The following OSBPL9 variants were observed in gnomAD, a reference collection of about 807,000 sequenced individuals.
The protein encoded by OSBPL9 is oxysterol binding protein like 9, also known as oxysterol-binding protein-related protein 9.
A neutral mutation model predicts 106.6 loss-of-function variants in OSBPL9; 40 were observed. The observed-to-expected ratio is 0.38, with a 90% CI of 0.29 to 0.49. OSBPL9 has a LOEUF of 0.49. Ranked by LOEUF, OSBPL9 falls within the 20% of genes least tolerant of loss-of-function variation. OSBPL9 has a pLI of 0.97. For synonymous variants in OSBPL9, 269 were observed against 295.4 expected, an observed-to-expected ratio of 0.91 and a Z score of 0.92; for missense variants, 609 against 887.2, an observed-to-expected ratio of 0.69 and a Z score of 3.98.
At chr1:51,750,250 G>T in intron 8 of OSBPL9, 55 bp downstream of exon 8, 1 of 1,335,360 alleles carries the variant, frequency 7.5e-7, no homozygotes. Flanking sequence ...AAATTATAAT[G>T]GCGTTTTTCT....
intron 1 of OSBPL9, among the ~76,000 whole-genome samples, chr1:51,620,976 C>T (rs906858102): frequency 6.6e-6 from 1 of 152,276 alleles, no homozygotes; most frequent in East Asian, 1.9e-4. Flanking sequence ...CATTCACTTG[C>T]CTCGGCCTCC....
At chr1:51,660,633 G>C (rs1449991693) in intron 2 of OSBPL9, among the ~76,000 whole-genome samples, 1 of 152,202 alleles carries the variant, frequency 6.6e-6, no homozygotes, top group Non-Finnish European at 1.5e-5. Flanking sequence ...ATCTAGGCCA[G>C]TGCCTAGAAA....
intron 4 of OSBPL9, among the ~76,000 whole-genome samples, chr1:51,718,266 G>A (rs1254450008): frequency 3.3e-5 from 5 of 152,114 alleles, no homozygotes; most frequent in African/African-American, 1.2e-4. Context: ...ACAAAAAAAT[G>A]AGAACGAATA....
rs1398592245 is a variant in OSBPL9, at chr1:51,612,062, A to C, written c.-352-2243A>C. 3.3e-5 allele frequency among the ~76,000 whole-genome samples: 5 copies of C among 152,368 alleles called. No individual in the cohort carries two copies. In the East Asian group the frequency reaches 9.6e-4, roughly 29 times the overall value. On this transcript the variant is annotated intron_variant, in intron 2 of 25. Coordinates refer to the OSBPL9 transcript ENST00000371714. ...TACAAAAGTTAGAAACCTTGGTATT[A>C]TCTCTGATTCTCCTTACTCCCTCCT...
chr1:51,652,030 G>A lies in OSBPL9; in HGVS notation c.151G>A (p.Val51Ile), dbSNP rs41292539. The stretch of plus-strand genomic sequence containing the variant: ...GATGAGAGGCTCTCGCAGAGGATGT[G>A]TTAGACTCAGAGTGAGTATTTATTC... ...KMMRGSRRGC[V>I]RLRGAVIGID... Residue 51 changes from valine to isoleucine, a missense_variant, in exon 2 of 24, where the codon GTT becomes ATT. Coordinates refer to ENST00000428468, the MANE Select transcript of OSBPL9 (RefSeq NM_024586.6). The A allele has an allele frequency of 6.8e-6, 11 of 1,607,042 alleles. No homozygotes were observed. Among genetic ancestry groups the A allele is most frequent in the Non-Finnish European group, 8.5e-6 (10 of 1,176,446 alleles).
chr1:51,761,876 A>G lies in OSBPL9; in HGVS notation c.683A>G (p.Gln228Arg). The G allele has an allele frequency of 1.2e-6, 2 of 1,612,220 alleles. No homozygotes were observed. Among genetic ancestry groups the G allele is most frequent in the Non-Finnish European group, 8.5e-7 (1 of 1,178,300 alleles). Residue 228 changes from glutamine (Q) to arginine (R), a missense_variant, in exon 11 of 24, where the codon CAG becomes CGG. Physicochemically the swap from Gln to Arg is conservative, Grantham distance 43. Around this residue, in one of 5 missense-constraint regions of OSBPL9, gnomAD observed 356 missense variants for 505.8 expected, o/e 0.70. Coordinates refer to ENST00000428468, the MANE Select transcript of OSBPL9 (RefSeq NM_024586.6). ...SQTVLPPEPV[Q>R]LCKSEQRPSS... The stretch of plus-strand genomic sequence containing the variant: ...CGTTCAAATCTCCTAGAACCTGTTC[A>G]GTTGTGTAAGTCAGAGCAGCGTCCA...
At chr1:51,586,109 G>T (rs1645246086) in intron 1 of OSBPL9, among the ~76,000 whole-genome samples, 1 of 151,572 alleles carries the variant, frequency 6.6e-6, no homozygotes, top group East Asian at 1.9e-4. Flanking sequence ...AGGAGGCAGA[G>T]GTTGCAGTGA....
intron 1 of OSBPL9, among the ~76,000 whole-genome samples, chr1:51,642,723 T>C (rs1645883270): frequency 6.6e-6 from 1 of 152,200 alleles, no homozygotes; most frequent in Admixed American, 6.5e-5. Flanking sequence ...TCTAGGGAGA[T>C]AGCTGTACCC....
intron 4 of OSBPL9, among the ~76,000 whole-genome samples, chr1:51,725,346 G>A (rs1036458151): frequency 5.9e-5 from 9 of 151,816 alleles, no homozygotes; most frequent in African/African-American, 2.2e-4. Context: ...TTTCTACTTT[G>A]TCCATTAGAG....
chr1:51,573,732 T>C (rs1354832449), upstream of OSBPL9, among the ~76,000 whole-genome samples: 1 of 150,500 alleles, frequency 6.6e-6, no homozygotes, highest in Non-Finnish European at 1.5e-5. Context: ...GAGAATCGCT[T>C]GAACCCGGGA....
chr1:51,541,818 C>T, the OSBPL9 span, among the ~76,000 whole-genome samples: 1 of 152,098 alleles, frequency 6.6e-6, no homozygotes, highest in Non-Finnish European at 1.5e-5. Context: ...AGGTTATGGT[C>T]GAGTCCAGTT....
At chr1:51,540,760 A>C in the OSBPL9 span, among the ~76,000 whole-genome samples, 1 of 151,886 alleles carries the variant, frequency 6.6e-6, no homozygotes, top group Admixed American at 6.6e-5. Flanking sequence ...GGAATTCCAG[A>C]CCAGCCTGGC....
At chr1:51,725,834 A>G (rs747810880) in intron 4 of OSBPL9, among the ~76,000 whole-genome samples, 2 of 152,066 alleles carry the variant, frequency 1.3e-5, no homozygotes, top group Non-Finnish European at 2.9e-5. Context: ...CCATATTACT[A>G]CATGTCCCTG....
At chr1:51,689,289 A>G (rs765076577) in intron 3 of OSBPL9, among the ~76,000 whole-genome samples, 4 of 152,090 alleles carry the variant, frequency 2.6e-5, no homozygotes, top group Non-Finnish European at 4.4e-5. Context: ...TTCAGTAGCA[A>G]ATTCTTTTTT....
intron 2 of OSBPL9, among the ~76,000 whole-genome samples, chr1:51,666,333 A>G (rs1648509328): frequency 6.6e-6 from 1 of 152,154 alleles, no homozygotes; most frequent in Non-Finnish European, 1.5e-5. Context: ...AGCTAGAGGG[A>G]GATGTGGGAT....
chr1:51,770,434 T>C (rs991701053), intron 12 of OSBPL9, among the ~76,000 whole-genome samples: 7 of 151,992 alleles, frequency 4.6e-5, no homozygotes. Context: ...TGAGCCACCA[T>C]GCCCAGCCTA....
intron 1 of OSBPL9, among the ~76,000 whole-genome samples, chr1:51,634,294 G>T (rs372170941): frequency 6.6e-6 from 1 of 152,158 alleles, no homozygotes; most frequent in East Asian, 1.9e-4. Context: ...TCACAGTTTG[G>T]TGGGAGAAGT....
chr1:51,730,054 C>A, intron 4 of OSBPL9: 1 of 1,284,072 alleles, frequency 7.8e-7, no homozygotes, highest in African/African-American at 1.5e-5. Flanking sequence ...CCCTGAGTCC[C>A]CGGGGTCCCG....
chr1:51,641,755 A>G (rs934544645), intron 1 of OSBPL9, among the ~76,000 whole-genome samples: 1 of 152,172 alleles, frequency 6.6e-6, no homozygotes, highest in Admixed American at 6.5e-5. Context: ...GGAGGTTAGG[A>G]TCTGTTTCTC....
Sources: gnomAD v4.1 joint callset for allele counts (sites outside exome capture counted in the v4.1 genomes callset) on GRCh38, gnomAD v4.1.1 for gene constraint, gnomAD v4.1.1 regional missense constraint, MANE v1.5 for transcripts, NCBI Gene and HGNC (gene_info 2026-07-23, HGNC 2026-07-21) for gene names.